The following NPHP4 variants were observed in gnomAD, a reference collection of about 807,000 sequenced individuals.
The protein encoded by NPHP4 is nephrocystin-4.
In NPHP4, 151 loss-of-function variants were observed where a neutral mutation model predicts 155.8. That is an observed-to-expected ratio of 0.97 (90% confidence interval 0.85 to 1.11). NPHP4 has a LOEUF of 1.11. Ranked by LOEUF, NPHP4 falls within the 50% of genes least tolerant of loss-of-function variation. NPHP4 has a pLI of 0.00. For missense variants in NPHP4, 1,956 were observed against 1,925.7 expected (o/e 1.02, Z -0.29); for synonymous variants, 845 against 816.8 (o/e 1.03, Z -0.59).
chr1:5,976,735 G>A (rs1476109087), intron 3 of NPHP4, among the ~76,000 whole-genome samples: 2 of 152,204 alleles, frequency 1.3e-5, no homozygotes, highest in Admixed American at 6.5e-5. Context: ...GACCTCTGGG[G>A]TCATTCTCTC....
At chr1:5,981,726 T>C (rs1318647852) in intron 2 of NPHP4, among the ~76,000 whole-genome samples, 2 of 152,254 alleles carry the variant, frequency 1.3e-5, no homozygotes, top group Admixed American at 6.5e-5. Flanking sequence ...TTATCTTCTT[T>C]TAAATACTGT....
intron 16 of NPHP4, among the ~76,000 whole-genome samples, chr1:5,900,585 G>A (rs918176120): frequency 1.3e-5 from 2 of 152,200 alleles, no homozygotes; most frequent in Middle Eastern, 3.4e-3. Flanking sequence ...GGGAGGTGTA[G>A]GGCCATGAAG....
chr1:5,990,556 A>G (rs1416261634), intron 1 of NPHP4, among the ~76,000 whole-genome samples: 1 of 152,224 alleles, frequency 6.6e-6, no homozygotes, highest in East Asian at 1.9e-4. Flanking sequence ...CCAAATGAGA[A>G]TCATCATTAT....
chr1:5,943,022 T>TTA (rs1557792605), intron 9 of NPHP4, among the ~76,000 whole-genome samples: 1 of 152,204 alleles, frequency 6.6e-6, no homozygotes, highest in Non-Finnish European at 1.5e-5. Context: ...CAAACATTTC[T>TTA]GGAGCCCACA....
rs368313554 is a variant in NPHP4, at chr1:5,867,824, C to A, written c.3388G>T (p.Val1130Leu). ...CLTVELQPHV[V>L]DQVFRFYHPE... ...TGATAGAAGCGGAAGACCTGGTCCA[C>A]CACGTGGGGCTGCAGCTCCACAGTC... is the stretch of plus-strand genomic sequence containing the variant. Residue 1130 changes from valine to leucine, a missense_variant, in exon 24 of 30, where the codon GTG becomes TTG. Physicochemically the swap from Val to Leu is conservative, Grantham distance 32 (BLOSUM62 1). Coordinates refer to ENST00000378156, the MANE Select transcript of NPHP4 (RefSeq NM_015102.5). This position sits in a 1 kb window ranked among gnomAD's most constrained non-coding sequence, Gnocchi z 4.1. 1 of 1,613,720 alleles carries A rather than the reference C, an allele frequency of 6.2e-7. No individual in the cohort carries two copies. Among genetic ancestry groups the A allele is most frequent in the Non-Finnish European group, 8.5e-7 (1 of 1,179,872 alleles).
At chr1:5,962,044 C>T (rs2102144161) in intron 5 of NPHP4, 95 bp from the exon 6 acceptor site, 2 of 953,088 alleles carry the variant, frequency 2.1e-6, no homozygotes, top group East Asian at 2.5e-5. Flanking sequence ...AGAAACACCA[C>T]AAACAGGAAA....
intron 11 of NPHP4, among the ~76,000 whole-genome samples, chr1:5,914,286 A>AAAAAGAAAAAAAAAAG (rs70977991): frequency 7.1e-6 from 1 of 139,874 alleles, no homozygotes; most frequent in African/African-American, 3.0e-5. Flanking sequence ...AAAAAAAAAA[A>AAAAAGAAAAAAAAAAG]GGCCTGGTGT....
At chr1:5,938,046 A>C (rs547555445) in intron 9 of NPHP4, among the ~76,000 whole-genome samples, 1 of 152,348 alleles carries the variant, frequency 6.6e-6, no homozygotes, top group East Asian at 1.9e-4. Context: ...ATACAGGCGC[A>C]GGAAACAGAG....
In NPHP4 at chr1:5,976,272, G is replaced by A. The variant is rs115774991; in HGVS notation, c.279+1998C>T. Among the ~76,000 whole-genome samples, 1,062 of 152,192 alleles carry A rather than the reference G, an allele frequency of 7.0e-3. 18 individuals are homozygous for A. Among genetic ancestry groups the A allele is most frequent in the African/African-American group, 0.024 (994 of 41,502 alleles). The stretch of plus-strand genomic sequence containing the variant: ...CCTCCTCTTTAAAATGGGTACACAG[G>A]ATACTGACCTCCACAGGAGGATGAC... On this transcript the variant is annotated intron_variant, in intron 3 of 29. Transcript: ENST00000378156.
At position 5,890,808 on chromosome 1, in the gene NPHP4, G is replaced by A. The variant is rs1051789155; in HGVS notation, c.2304+60C>T. ...TTCCAAGCAGACAGACGCTGGAAGC[G>A]TGACTCGTCCCATGAGGGACGCAGC... On this transcript the variant is annotated intron_variant, in intron 17 of 29. Transcript: ENST00000378156. The surrounding 1 kb of genome is among the most constrained non-coding windows in gnomAD (Gnocchi z 4.9). 56 of 1,526,848 alleles carry A rather than the reference G, an allele frequency of 3.7e-5. No homozygotes were observed. The highest frequency in any genetic ancestry group is 2.9e-4 in the African/African-American group (21 of 73,204). 94.6% of individuals were successfully genotyped at this position (1,526,848 alleles called of 1,614,324 possible).
chr1:5,962,766 C>T (rs1650585792), intron 5 of NPHP4, among the ~76,000 whole-genome samples: 1 of 152,236 alleles, frequency 6.6e-6, no homozygotes, highest in Non-Finnish European at 1.5e-5. Flanking sequence ...AGAAATGACA[C>T]CCGGGAGGAG....
chr1:5,941,666 C>T (rs1293088150), intron 9 of NPHP4, among the ~76,000 whole-genome samples: 2 of 152,178 alleles, frequency 1.3e-5, no homozygotes, highest in African/African-American at 4.8e-5. Context: ...CCAGAAAGTA[C>T]TCAAACACAA....
chr1:5,982,107 C>CT (rs1015140338), intron 2 of NPHP4, among the ~76,000 whole-genome samples: 66 of 147,262 alleles, frequency 4.5e-4, no homozygotes, highest in Middle Eastern at 7.1e-3. Flanking sequence ...TCTGTGTTTT[C>CT]TTTTTTTTTT....
In NPHP4 at chr1:5,867,975, G is replaced by A. The variant is rs368433350; in HGVS notation, c.3316-79C>T. Reference sequence around the variant, plus strand: ...TCTTGTCCCTCCTTAGACAGCACACGTATCTCCACTGTTGCCAAGACCCCC... The same window carrying A: ...TCTTGTCCCTCCTTAGACAGCACACATATCTCCACTGTTGCCAAGACCCCC... On this transcript the variant is annotated intron_variant, in intron 23 of 29. Transcript: ENST00000378156. This position sits in a 1 kb window ranked among gnomAD's most constrained non-coding sequence, Gnocchi z 4.1. 72 of 1,471,994 alleles carry A rather than the reference G, an allele frequency of 4.9e-5. 1 individual carries two copies. Among genetic ancestry groups the A allele is most frequent in the South Asian group, 1.9e-4 (17 of 87,218 alleles). 91.2% of individuals were successfully genotyped at this position (1,471,994 alleles called of 1,614,324 possible). A position where few individuals can be genotyped will look rare whatever the true frequency, so the allele number is the denominator to read the frequency against.
Position 5,905,521 on chromosome 1 carries a change from A to T in NPHP4, c.1764-38T>A. The T allele has an allele frequency of 6.3e-7, 1 of 1,597,140 alleles. No individual in the cohort carries two copies. The highest frequency in any genetic ancestry group is 8.6e-7 in the Non-Finnish European group (1 of 1,167,492). Reference sequence around the variant, plus strand: ...GACTCCTCAGGTAGCCTCCCGGGAAAGGGGGGACCCATTGATGCACCTCCC... The same window carrying T: ...GACTCCTCAGGTAGCCTCCCGGGAATGGGGGGACCCATTGATGCACCTCCC... On this transcript the variant is annotated intron_variant, in intron 14 of 29. Coordinates refer to ENST00000378156, the MANE Select transcript of NPHP4 (RefSeq NM_015102.5). This position sits in a 1 kb window ranked among gnomAD's most constrained non-coding sequence, Gnocchi z 4.0.
intron 6 of NPHP4, among the ~76,000 whole-genome samples, chr1:5,960,010 C>T (rs1650009140): frequency 6.6e-6 from 1 of 152,242 alleles, no homozygotes; most frequent in Non-Finnish European, 1.5e-5. Context: ...AGGGCCCTCC[C>T]TGGCCAGCAG....
In NPHP4 at chr1:5,969,074, A is replaced by G; in HGVS notation, c.452+13T>C. 1 of 1,537,974 alleles carries G rather than the reference A, an allele frequency of 6.5e-7. No individual in the cohort carries two copies. Among genetic ancestry groups the G allele is most frequent in the East Asian group, 2.5e-5 (1 of 40,800 alleles). Reference sequence around the variant, plus strand: ...GCTGGAAAACCCCAGGGTTGTAGAAACAAGGCAGGTACCTTTTGTCCTGGG... The same window carrying G: ...GCTGGAAAACCCCAGGGTTGTAGAAGCAAGGCAGGTACCTTTTGTCCTGGG... On this transcript the variant is annotated intron_variant, in intron 4 of 29. Transcript: ENST00000378156.
At chr1:5,868,745 ACACATGTACACATATGCATGCACC>A in intron 23 of NPHP4, among the ~76,000 whole-genome samples, 1 of 100,842 alleles carries the variant, frequency 9.9e-6, no homozygotes, top group African/African-American at 3.9e-5. Flanking sequence ...GCATGCACCC[ACACATGTACACATATGCATGCACC>A]CACATGCACA....
chr1:5,952,847 G>A lies in NPHP4; in HGVS notation c.674-11C>T, dbSNP rs1365187773. On this transcript the variant is annotated splice_polypyrimidine_tract_variant and intron_variant, in intron 6 of 29. Transcript: ENST00000378156. The stretch of plus-strand genomic sequence containing the variant: ...TTCGGAGAGCGTCGCCTGAAACAGT[G>A]AGGGTGCGAAAAGGGTCATCCTTGG... The A allele has an allele frequency of 1.1e-5, 17 of 1,594,132 alleles. No individual in the cohort carries two copies. The highest frequency in any genetic ancestry group is 1.3e-5 in the African/African-American group (1 of 74,326).
Sources: gnomAD v4.1 joint callset for allele counts (sites outside exome capture counted in the v4.1 genomes callset) on GRCh38, gnomAD v4.1.1 for gene constraint, Gnocchi (gnomAD v3.1) non-coding constraint, MANE v1.5 for transcripts, NCBI Gene and HGNC (gene_info 2026-07-23, HGNC 2026-07-21) for gene names.